PTPRM: variants seen among roughly 807,000 people sequenced by gnomAD.
PTPRM encodes the protein protein tyrosine phosphatase receptor type M.
Under a neutral mutation model 186.7 loss-of-function variants are expected in PTPRM, and 47 were observed. The ratio of observed to expected loss-of-function variants is 0.25; its 90% CI spans 0.20 to 0.32. PTPRM has a LOEUF of 0.32. Ranked by LOEUF, PTPRM falls within the 10% of genes least tolerant of loss-of-function variation. The pLI is 1.00. For synonymous variants in PTPRM, 668 were observed against 674.9 expected (o/e 0.99, Z 0.16); for missense variants, 1,494 against 1,865.0 (o/e 0.80, Z 3.66).
intron 23 of PTPRM, among the ~76,000 whole-genome samples, chr18:8,359,326 G>A (rs765545479): frequency 6.6e-6 from 1 of 152,254 alleles, no homozygotes; most frequent in Non-Finnish European, 1.5e-5. Context: ...TGCGAGCTGG[G>A]TGCAGATCAG....
At chr18:8,406,060 A>G in intron 32 of PTPRM, 49 bp from the exon 33 acceptor site, 2 of 1,543,386 alleles carry the variant, frequency 1.3e-6, no homozygotes, top group East Asian at 2.2e-5. Context: ...TTTACTAGGA[A>G]CAGCGTTGAG....
At chr18:8,009,684 G>C (rs1053553058) in intron 7 of PTPRM, among the ~76,000 whole-genome samples, 1 of 152,002 alleles carries the variant, frequency 6.6e-6, no homozygotes, top group African/African-American at 2.4e-5. Flanking sequence ...CTCCAGCCTG[G>C]GGGACAGAGC....
At chr18:8,191,035 TG>T (rs1265793538) in intron 14 of PTPRM, among the ~76,000 whole-genome samples, 1 of 152,178 alleles carries the variant, frequency 6.6e-6, no homozygotes, top group Non-Finnish European at 1.5e-5. Context: ...GGTGAGCCTC[TG>T]GAGAAGTCTG....
chr18:7,645,632 T>A (rs1408131425), intron 1 of PTPRM, among the ~76,000 whole-genome samples: 1 of 152,222 alleles, frequency 6.6e-6, no homozygotes, highest in East Asian at 1.9e-4. Context: ...TTTCTGCCAC[T>A]GTGGAATGCT....
chr18:7,977,925 G>A (rs1007984249), intron 7 of PTPRM, among the ~76,000 whole-genome samples: 2 of 152,116 alleles, frequency 1.3e-5, no homozygotes, highest in Admixed American at 6.5e-5. Flanking sequence ...GAATATACTT[G>A]AAAGAAAAAA....
At chr18:7,859,553 C>T (rs930122567) in intron 2 of PTPRM, among the ~76,000 whole-genome samples, 3 of 152,208 alleles carry the variant, frequency 2.0e-5, no homozygotes, top group Admixed American at 6.5e-5. Context: ...ATTCTGACCC[C>T]CAGGCACCTC....
At chr18:7,592,074 TTTAAA>T (rs2037140830) in intron 1 of PTPRM, among the ~76,000 whole-genome samples, 1 of 152,248 alleles carries the variant, frequency 6.6e-6, no homozygotes, top group South Asian at 2.1e-4. Flanking sequence ...CGTTGTTTGA[TTTAAA>T]TTATTTATTG....
At chr18:7,673,696 G>A (rs1291533399) in intron 1 of PTPRM, among the ~76,000 whole-genome samples, 1 of 152,148 alleles carries the variant, frequency 6.6e-6, no homozygotes, top group Non-Finnish European at 1.5e-5. Context: ...ACATTCAAAG[G>A]TATAATAGGA....
chr18:8,211,958 T>G (rs1439780481), intron 14 of PTPRM, among the ~76,000 whole-genome samples: 1 of 152,084 alleles, frequency 6.6e-6, no homozygotes, highest in Non-Finnish European at 1.5e-5. Flanking sequence ...TGCAGGGCTG[T>G]GACCAGGTGT....
chr18:8,034,046 G>A (rs1265498357), intron 7 of PTPRM, among the ~76,000 whole-genome samples: 1 of 151,756 alleles, frequency 6.6e-6, no homozygotes, highest in Non-Finnish European at 1.5e-5. Flanking sequence ...TCTCCCTTGT[G>A]TATCTCCAGA....
chr18:8,365,317 T>C (rs16953398), intron 23 of PTPRM, among the ~76,000 whole-genome samples: 2,442 of 152,270 alleles, frequency 0.016, 64 homozygotes, highest in African/African-American at 0.055. Context: ...CACGAGGAAA[T>C]ACAAGGAATG....
chr18:8,368,572 A>G (rs2095646100), intron 23 of PTPRM, among the ~76,000 whole-genome samples: 1 of 152,198 alleles, frequency 6.6e-6, no homozygotes, highest in East Asian at 1.9e-4. Context: ...CGTCTTGCCA[A>G]CTAAAGGTAA....
intron 1 of PTPRM, among the ~76,000 whole-genome samples, chr18:7,641,404 AATTC>A (rs2038439890): frequency 3.3e-5 from 5 of 152,240 alleles, no homozygotes; most frequent in Non-Finnish European, 7.3e-5. Flanking sequence ...GGACTTAGTT[AATTC>A]AAAAACTGCA....
intron 19 of PTPRM, among the ~76,000 whole-genome samples, chr18:8,291,611 A>G (rs566299381): frequency 1.3e-5 from 2 of 152,334 alleles, no homozygotes; most frequent in East Asian, 3.9e-4. Context: ...TTAAAGATAA[A>G]AAAGATAGCT....
intron 19 of PTPRM, among the ~76,000 whole-genome samples, chr18:8,290,114 TA>T (rs1220289248): frequency 6.6e-6 from 1 of 152,148 alleles, no homozygotes; most frequent in Non-Finnish European, 1.5e-5. Context: ...ATATGGGATC[TA>T]ATAAAATGCG....
At chr18:7,966,505 C>T (rs542621898) in intron 7 of PTPRM, among the ~76,000 whole-genome samples, 143 of 151,924 alleles carry the variant, frequency 9.4e-4, no homozygotes, top group Non-Finnish European at 1.7e-3. Context: ...GCGTGAGCGA[C>T]GCAGAAGACG....
intron 22 of PTPRM, among the ~76,000 whole-genome samples, chr18:8,333,362 C>T (rs754044162): frequency 1.3e-5 from 2 of 152,186 alleles, no homozygotes; most frequent in Non-Finnish European, 1.5e-5. Flanking sequence ...ACTGTTACCA[C>T]TTCTGTGACA....
At position 8,387,506 on chromosome 18, in the gene PTPRM, A is replaced by AG. The variant is rs368446357; in HGVS notation, c.4208+271_4208+272insG. ...CCTCCGCCGCCCACTGCCAAGAGGA[A>AG]AAAAAAAAAAACACTGGCTCTTGAG... is the stretch of plus-strand genomic sequence containing the variant. On this transcript the variant is annotated intron_variant, in intron 31 of 32. Coordinates refer to ENST00000580170, the MANE Select transcript of PTPRM (RefSeq NM_001105244.2). 7.4e-3 allele frequency among the ~76,000 whole-genome samples: 1,098 copies of AG among 148,862 alleles called. 19 individuals are homozygous for AG. Among genetic ancestry groups the AG allele is most frequent in the African/African-American group, 0.025 (1,040 of 41,108 alleles).
chr18:7,666,500 A>G (rs565484981), intron 1 of PTPRM, among the ~76,000 whole-genome samples: 1 of 152,292 alleles, frequency 6.6e-6, no homozygotes, highest in South Asian at 2.1e-4. Context: ...TGAGTTATTT[A>G]ATAGAAAGAC....
Sources: allele counts gnomAD v4.1 joint callset (sites outside exome capture counted in the v4.1 genomes callset), GRCh38; gene constraint gnomAD v4.1.1; transcripts MANE v1.5; gene names NCBI Gene and HGNC (gene_info 2026-07-23, HGNC 2026-07-21).